The following PLEKHG4B variants were observed in gnomAD, a reference collection of about 807,000 sequenced individuals.
The protein encoded by PLEKHG4B is pleckstrin homology domain-containing family G member 4B.
PLEKHG4B carries 111 observed loss-of-function variants against 121.3 expected under a neutral mutation model. The ratio of observed to expected loss-of-function variants is 0.92; its 90% CI spans 0.78 to 1.07. The LOEUF (loss-of-function observed/expected upper bound fraction) is 1.07, where lower values mean the gene tolerates loss of function less well. PLEKHG4B is among the 50% of genes least tolerant of loss of function. The pLI is 0.00. For missense variants in PLEKHG4B, 1,831 were observed against 1,757.8 expected (o/e 1.04, Z -0.74); for synonymous variants, 738 against 725.0 (o/e 1.02, Z -0.29).
intron 5 of PLEKHG4B, chr5:143,950 A>T (rs1735317212): frequency 1.2e-5 from 2 of 161,054 alleles, no homozygotes; most frequent in Admixed American, 6.0e-5. Flanking sequence ...ACACACACAA[A>T]TTTTTTTTTT....
At chr5:168,155 G>A (rs756490305) in intron 13 of PLEKHG4B, among the ~76,000 whole-genome samples, 1 of 152,138 alleles carries the variant, frequency 6.6e-6, no homozygotes, top group Non-Finnish European at 1.5e-5. Flanking sequence ...TGTCAGGAAG[G>A]GCTCTTCAAA....
intron 2 of PLEKHG4B, among the ~76,000 whole-genome samples, chr5:128,370 C>A (rs1000686417): frequency 6.6e-6 from 1 of 152,164 alleles, no homozygotes; most frequent in Non-Finnish European, 1.5e-5. Context: ...TAAATAAAAA[C>A]CACATGATGA....
Position 109,564 on chromosome 5 carries a change from A to AGCTGG in PLEKHG4B, c.46-3672_46-3668dup, listed in dbSNP as rs141659503. On this transcript the variant is annotated intron_variant, in intron 1 of 19. Transcript: ENST00000637938. ...CACGCTAACCCACGGGTGACACAGA[A>AGCTGG]GCTGGGCTGGGCTGGGCTGTGTCCC... 4.2e-4 allele frequency among the ~76,000 whole-genome samples: 64 copies of AGCTGG among 152,278 alleles called. No homozygotes were observed. The East Asian group carries it at 0.012, about 28-fold the overall frequency.
rs149491625 is a variant in PLEKHG4B, at chr5:161,428, C to T, written c.2488-355C>T. Among the ~76,000 whole-genome samples, 428 of 152,354 alleles carry T rather than the reference C, an allele frequency of 2.8e-3. 4 individuals are homozygous for T. The highest frequency in any genetic ancestry group is 9.5e-3 in the African/African-American group (396 of 41,594). ...GAGGCCCGTGCCACCTCTCATCAGTCGTGTTCATTCACGGGTGGTTACGCA... is the reference window on the plus strand; with the variant it reads ...GAGGCCCGTGCCACCTCTCATCAGTTGTGTTCATTCACGGGTGGTTACGCA... On this transcript the variant is annotated intron_variant, in intron 11 of 19. Coordinates refer to ENST00000637938, the MANE Select transcript of PLEKHG4B (RefSeq NM_052909.5).
rs1209768091 is a variant in PLEKHG4B at position 163,351 on chromosome 5, T to C, written c.3279T>C (p.Ser1093=). 1.9e-6 allele frequency: 3 copies of C among 1,613,274 alleles called. No individual in the cohort carries two copies. Among genetic ancestry groups the C allele is most frequent in the African/African-American group, 2.7e-5 (2 of 75,064 alleles). Residue 1093 remains serine, a synonymous_variant, in exon 13 of 20, where the codon AGT becomes AGC. Coordinates refer to ENST00000637938, the MANE Select transcript of PLEKHG4B (RefSeq NM_052909.5). ...GTTTCGAGATACCTCAGCCCGACAG[T>C]GGCCCCAGGGACTCCTGCCAGCCAG... The part of the protein sequence containing the change: ...TQSFEIPQPD[S]GPRDSCQPDH...
In PLEKHG4B at chr5:189,183, C is replaced by T. The variant is rs1733717591; in HGVS notation, c.*6860C>T. On this transcript the variant is annotated 3_prime_UTR_variant, in exon 20 of 20. Coordinates refer to ENST00000637938, the MANE Select transcript of PLEKHG4B (RefSeq NM_052909.5). ...CCTGGATGGTTCCTCTACCCCTGGT[C>T]CAGCAGGGACTCAGCAGTGCCTGCC... 1 of 152,478 alleles carries T rather than the reference C, an allele frequency of 6.6e-6. No individual in the cohort carries two copies. Among genetic ancestry groups the T allele is most frequent in the Non-Finnish European group, 1.5e-5 (1 of 68,202 alleles). 9.4% of individuals were successfully genotyped at this position (152,478 alleles called of 1,614,324 possible). A position where few individuals can be genotyped will look rare whatever the true frequency, so the allele number is the denominator to read the frequency against.
chr5:116,133 C>T (rs1418964700), intron 2 of PLEKHG4B, among the ~76,000 whole-genome samples: 1 of 152,104 alleles, frequency 6.6e-6, no homozygotes, highest in Non-Finnish European at 1.5e-5. Flanking sequence ...CGCTTAGATG[C>T]CATTGCAGGG....
rs1277957491 is a variant in PLEKHG4B, at chr5:170,304, C to G, written c.3729+712C>G. Among the ~76,000 whole-genome samples the G allele has an allele frequency of 3.9e-5, 6 of 151,996 alleles. No individual in the cohort carries two copies. In the South Asian group the frequency reaches 8.3e-4, roughly 21 times the overall value. ...CGCATGTTACATCTTTTCAGTGTTT[C>G]CTTTTTTTTTTTCTTTGAGATGAAG... On this transcript the variant is annotated intron_variant, in intron 14 of 19. Transcript: ENST00000637938.
At chr5:164,557 GCT>G (rs1736188213) in intron 13 of PLEKHG4B, among the ~76,000 whole-genome samples, 1 of 114,282 alleles carries the variant, frequency 8.8e-6, no homozygotes. Flanking sequence ...ACACAGTAAT[GCT>G]CTGACAGGGG....
At chr5:95,197 T>C (rs1018531195) in intron 1 of PLEKHG4B, among the ~76,000 whole-genome samples, 28 of 152,212 alleles carry the variant, frequency 1.8e-4, no homozygotes, top group African/African-American at 6.5e-4. Context: ...TTCTTTTACA[T>C]GTTAAAACTG....
rs910349331 is a variant in PLEKHG4B at position 184,854 on chromosome 5, C to T, written c.*2531C>T. ...GTCATGCTGGGAAACATGGCAAGAC[C>T]GCATCTCTATTAAAAATAAATAAAA... On this transcript the variant is annotated 3_prime_UTR_variant, in exon 20 of 20. Coordinates refer to ENST00000637938, the MANE Select transcript of PLEKHG4B (RefSeq NM_052909.5). 24 of 152,248 alleles carry T rather than the reference C, an allele frequency of 1.6e-4. No homozygotes were observed. The highest frequency in any genetic ancestry group is 5.9e-4 in the Admixed American group (9 of 15,300). The allele number at this position is 152,248 out of a possible 1,614,324, so 9.4% of individuals were successfully genotyped here. A position where few individuals can be genotyped will look rare whatever the true frequency, so the allele number is the denominator to read the frequency against.
At chr5:162,622 TG>T in intron 12 of PLEKHG4B, 99 bp from the exon 13 acceptor site, 3 of 885,144 alleles carry the variant, frequency 3.4e-6, no homozygotes, top group African/African-American at 1.7e-5. Flanking sequence ...TCTGGCCCCC[TG>T]GTCCCTGAAT....
rs565315382 is a variant in PLEKHG4B, at chr5:139,051, C to T, written c.244-432C>T. Among the ~76,000 whole-genome samples the T allele has an allele frequency of 2.1e-4, 32 of 152,334 alleles. No individual in the cohort carries two copies. The highest frequency in any genetic ancestry group is 5.2e-4 in the Admixed American group (8 of 15,296). The stretch of plus-strand genomic sequence containing the variant: ...AGCAGCCGGGAGCCACAGGGAGCAC[C>T]GGGAGTGCAGAGGAGGGAGCCCCCC... On this transcript the variant is annotated intron_variant, in intron 2 of 19. Coordinates refer to ENST00000637938, the MANE Select transcript of PLEKHG4B (RefSeq NM_052909.5). This position sits in a 1 kb window ranked among gnomAD's most constrained non-coding sequence, Gnocchi z 5.0.
rs367858573 is a variant in PLEKHG4B at position 143,036 on chromosome 5, C to G, written c.1478-11C>G. The G allele has an allele frequency of 3.1e-6, 5 of 1,612,044 alleles. No homozygotes were observed. The Admixed American group carries it at 6.7e-5, about 22-fold the overall frequency. ...CCTTCATCTTTGACACGGCCTCTTT[C>G]CTTTGTCCAGACGTTCTTGCATCCT... On this transcript the variant is annotated splice_polypyrimidine_tract_variant and intron_variant, in intron 3 of 19. Coordinates refer to ENST00000637938, the MANE Select transcript of PLEKHG4B (RefSeq NM_052909.5).
In PLEKHG4B at chr5:113,135, G is replaced by A; in HGVS notation, c.46-116G>A. 2.5e-6 allele frequency: 1 copy of A among 398,078 alleles called. No homozygotes were observed. Among genetic ancestry groups the A allele is most frequent in the Non-Finnish European group, 4.4e-6 (1 of 226,012 alleles). The allele number at this position is 398,078 out of a possible 1,614,324, so 24.7% of individuals were successfully genotyped here. The stretch of plus-strand genomic sequence containing the variant: ...GTCTTTCTCAGTTAACTCACATCAT[G>A]CCAGACACAGGACAAGGGACTTCCG... On this transcript the variant is annotated intron_variant, in intron 1 of 19. Transcript: ENST00000637938. The surrounding 1 kb of genome is among the most constrained non-coding windows in gnomAD (Gnocchi z 5.2).
intron 2 of PLEKHG4B, among the ~76,000 whole-genome samples, chr5:135,675 AAAAAAAAATATATATAT>A (rs1462665469): frequency 8.2e-5 from 6 of 73,170 alleles, no homozygotes; most frequent in Middle Eastern, 5.2e-3. Flanking sequence ...CAAAAAAAAA[AAAAAAAAATATATATAT>A]ATATATATAT....
intron 16 of PLEKHG4B, among the ~76,000 whole-genome samples, chr5:171,767 G>A (rs1159337739): frequency 1.3e-5 from 2 of 152,218 alleles, no homozygotes; most frequent in Admixed American, 1.3e-4. Context: ...CTGCTTACCT[G>A]GGCTGTATTT....
chr5:129,153 T>A (rs1186738206), intron 2 of PLEKHG4B, among the ~76,000 whole-genome samples: 1 of 152,200 alleles, frequency 6.6e-6, no homozygotes, highest in East Asian at 1.9e-4. Flanking sequence ...CTGTAGAGAA[T>A]CTCCTTCCCT....
rs576849332 is a variant in PLEKHG4B, at chr5:101,728, G to C, written c.45+9452G>C. ...ATAAAGCCCTGGAAAAAGCCTGTAGGGGAGAGACTGTTGTGAGGTTAATCC... is the reference window on the plus strand; with the variant it reads ...ATAAAGCCCTGGAAAAAGCCTGTAGCGGAGAGACTGTTGTGAGGTTAATCC... On this transcript the variant is annotated intron_variant, in intron 1 of 19. Coordinates refer to ENST00000637938, the MANE Select transcript of PLEKHG4B (RefSeq NM_052909.5). 6.4e-5 allele frequency among the ~76,000 whole-genome samples: 9 copies of C among 139,716 alleles called. No individual in the cohort carries two copies. In the South Asian group the frequency reaches 1.6e-3, roughly 25 times the overall value. 91.7% of individuals were successfully genotyped at this position (139,716 alleles called of 152,430 possible).
Sources: gnomAD v4.1 joint callset for allele counts (sites outside exome capture counted in the v4.1 genomes callset) on GRCh38, gnomAD v4.1.1 for gene constraint, Gnocchi (gnomAD v3.1) non-coding constraint, MANE v1.5 for transcripts, NCBI Gene and HGNC (gene_info 2026-07-23, HGNC 2026-07-21) for gene names.